Variants in PRKG1 observed in about 807,000 individuals in gnomAD.
The protein encoded by PRKG1 is protein kinase cGMP-dependent 1.
Under a neutral mutation model 88.1 loss-of-function variants are expected in PRKG1, and 35 were observed. That is an observed-to-expected ratio of 0.40 (90% CI 0.30 to 0.53). The LOEUF (loss-of-function observed/expected upper bound fraction) is 0.53. Among genes scored for constraint, PRKG1 ranks in the 20% least tolerant of loss-of-function variants. The pLI is 0.59. For synonymous variants in PRKG1, 303 were observed against 292.5 expected (o/e 1.04, Z -0.37); for missense variants, 540 against 839.8 (o/e 0.64, Z 4.41).
chr10:52,085,343 G>A (rs1387250453), intron 7 of PRKG1, among the ~76,000 whole-genome samples: 1 of 143,882 alleles, frequency 7.0e-6, no homozygotes, highest in African/African-American at 2.6e-5. Flanking sequence ...GACTGCAAAA[G>A]GACGATTTTC....
chr10:51,118,257 A>C (rs1389561913), intron 1 of PRKG1, among the ~76,000 whole-genome samples: 1 of 152,236 alleles, frequency 6.6e-6, no homozygotes, highest in East Asian at 1.9e-4. Flanking sequence ...ATTTTGAAAA[A>C]AAATAAAAAA....
chr10:51,870,926 G>A (rs1023373376), intron 4 of PRKG1, among the ~76,000 whole-genome samples: 2 of 152,152 alleles, frequency 1.3e-5, no homozygotes, highest in African/African-American at 4.8e-5. Flanking sequence ...ATCAGCCTGA[G>A]TTACTCTACA....
intron 4 of PRKG1, among the ~76,000 whole-genome samples, chr10:51,899,590 A>T (rs939515263): frequency 2.7e-5 from 4 of 150,848 alleles, no homozygotes; most frequent in East Asian, 1.9e-4. Flanking sequence ...CTTGGGAGGC[A>T]GAGGTTGCAG....
intron 9 of PRKG1, among the ~76,000 whole-genome samples, chr10:52,218,084 C>T (rs547754345): frequency 4.6e-5 from 7 of 151,732 alleles, no homozygotes; most frequent in Admixed American, 1.3e-4. Context: ...TGGTGGCACA[C>T]GTCTGTAATC....
intron 3 of PRKG1, among the ~76,000 whole-genome samples, chr10:51,573,433 G>A (rs932466857): frequency 1.3e-5 from 2 of 151,682 alleles, no homozygotes; most frequent in African/African-American, 4.8e-5. Flanking sequence ...GGTTTAAATG[G>A]GTTTACTTAG....
At chr10:51,988,633 AT>A (rs1275816100) in intron 5 of PRKG1, among the ~76,000 whole-genome samples, 1 of 152,042 alleles carries the variant, frequency 6.6e-6, no homozygotes, top group Non-Finnish European at 1.5e-5. Flanking sequence ...AGTATTGGCT[AT>A]TCAGGTTTCT....
chr10:51,146,188 C>CA (rs540117404), intron 1 of PRKG1, among the ~76,000 whole-genome samples: 5,668 of 137,802 alleles, frequency 0.041, 169 homozygotes, highest in Middle Eastern at 0.076. Flanking sequence ...GACTCTGTCT[C>CA]AAAAAAAAAA....
Position 51,381,256 on chromosome 10 carries a change from T to TAAA in PRKG1, c.479-86425_479-86423dup, listed in dbSNP as rs71029366. 7.8e-4 allele frequency among the ~76,000 whole-genome samples: 25 copies of TAAA among 32,048 alleles called. 1 individual carries two copies. Among genetic ancestry groups the TAAA allele is most frequent in the African/African-American group, 1.8e-3 (19 of 10,760 alleles). The allele number at this position is 32,048 out of a possible 152,430, so 21.0% of individuals were successfully genotyped here. ...TGGGCAACAGAGCAAGCCTCCATCT[T>TAAA]AAAAAAAAAAAAAAAAAAAAAAAAA... On this transcript the variant is annotated intron_variant, in intron 2 of 17. Transcript: ENST00000373980.
At chr10:52,066,660 G>A (rs753649085) in intron 7 of PRKG1, among the ~76,000 whole-genome samples, 3 of 152,320 alleles carry the variant, frequency 2.0e-5, no homozygotes, top group East Asian at 1.9e-4. Flanking sequence ...AGTCTTATGT[G>A]ATGAGGACGG....
chr10:51,958,616 C>T (rs1030219820), intron 5 of PRKG1, among the ~76,000 whole-genome samples: 25 of 135,894 alleles, frequency 1.8e-4, no homozygotes, highest in African/African-American at 6.5e-4. Context: ...TATGTGTACA[C>T]ATGAGTGTTG....
chr10:51,808,171 T>C (rs1397249879), intron 4 of PRKG1, among the ~76,000 whole-genome samples: 2 of 152,228 alleles, frequency 1.3e-5, no homozygotes, highest in Non-Finnish European at 2.9e-5. Flanking sequence ...TTGTTGCTTT[T>C]TAAAAAATTG....
At position 50,991,824 on chromosome 10, in the gene PRKG1, C is replaced by T. The variant is rs1450575552; in HGVS notation, c.266+180C>T. On this transcript the variant is annotated intron_variant, in intron 1 of 17. Coordinates refer to the PRKG1 transcript ENST00000401604. The surrounding 1 kb of genome is among the most constrained non-coding windows in gnomAD (Gnocchi z 4.5). ...AGTGTTTATTTTTATTTCTGCCCAT[C>T]ACGTGCTGTGCTTGTCTCCGCCGGG... is the stretch of plus-strand genomic sequence containing the variant. 6.6e-6 allele frequency among the ~76,000 whole-genome samples: 1 copy of T among 152,118 alleles called. No homozygotes were observed. The highest frequency in any genetic ancestry group is 1.9e-4 in the East Asian group (1 of 5,174).
At chr10:52,081,973 G>A (rs1433939576) in intron 7 of PRKG1, among the ~76,000 whole-genome samples, 1 of 152,082 alleles carries the variant, frequency 6.6e-6, no homozygotes, top group Non-Finnish European at 1.5e-5. Context: ...AACTGCCTGA[G>A]ATTGGGTAAC....
At chr10:51,409,437 C>T (rs569342627) in intron 2 of PRKG1, among the ~76,000 whole-genome samples, 3 of 152,226 alleles carry the variant, frequency 2.0e-5, no homozygotes, top group South Asian at 2.1e-4. Flanking sequence ...GCGCACAACC[C>T]GCTTTATGGC....
At chr10:51,711,870 G>C (rs1332453218) in intron 3 of PRKG1, among the ~76,000 whole-genome samples, 5 of 152,114 alleles carry the variant, frequency 3.3e-5, no homozygotes, top group Non-Finnish European at 7.4e-5. Context: ...ATAAACCAGG[G>C]GGGTAATGAG....
rs545841284 is a variant in PRKG1, at chr10:51,694,714, G to C, written c.593-109871G>C. On this transcript the variant is annotated intron_variant, in intron 3 of 17. Coordinates refer to ENST00000373980, the MANE Select transcript of PRKG1 (RefSeq NM_006258.4). ...TGAATGAATTGGTGATTTTATTTTA[G>C]TCTACACATCCTAGGGAAAATTCAG... Among the ~76,000 whole-genome samples, 10 of 152,220 alleles carry C rather than the reference G, an allele frequency of 6.6e-5. No homozygotes were observed. In the South Asian group the frequency reaches 2.1e-3, roughly 32 times the overall value.
intron 2 of PRKG1, among the ~76,000 whole-genome samples, chr10:51,171,209 C>G (rs1440216758): frequency 6.6e-6 from 1 of 152,056 alleles, no homozygotes; most frequent in Non-Finnish European, 1.5e-5. Flanking sequence ...ATGGAGTGGC[C>G]TTTTACAGAA....
intron 2 of PRKG1, among the ~76,000 whole-genome samples, chr10:51,322,167 A>G (rs749559294): frequency 1.3e-5 from 2 of 152,168 alleles, no homozygotes; most frequent in Non-Finnish European, 2.9e-5. Context: ...TCAGCTGGAA[A>G]AAGGGAATCT....
intron 3 of PRKG1, among the ~76,000 whole-genome samples, chr10:51,607,594 GGTA>G (rs1431061655): frequency 6.6e-6 from 1 of 152,130 alleles, no homozygotes; most frequent in Non-Finnish European, 1.5e-5. Flanking sequence ...TCTCCTATCT[GGTA>G]AATAATACTC....
Sources: allele counts gnomAD v4.1 joint callset (sites outside exome capture counted in the v4.1 genomes callset), GRCh38; gene constraint gnomAD v4.1.1; non-coding constraint Gnocchi (gnomAD v3.1); transcripts MANE v1.5; gene names NCBI Gene and HGNC (gene_info 2026-07-23, HGNC 2026-07-21).